GRIN2B: variants seen among roughly 807,000 people sequenced by gnomAD.
GRIN2B encodes glutamate receptor ionotropic, NMDA 2B.
Under a neutral mutation model 114.5 loss-of-function variants are expected in GRIN2B, and 5 were observed. That is an observed-to-expected ratio of 0.04 (90% CI 0.02 to 0.09). The LOEUF is 0.09. Ranked by LOEUF, GRIN2B falls within the 10% of genes least tolerant of loss-of-function variation. The probability of loss-of-function intolerance (pLI) is 1.00; values close to 1 mark genes in which losing one functional copy is unlikely to be tolerated. For synonymous variants in GRIN2B, 787 were observed against 745.1 expected, an observed-to-expected ratio of 1.06 and a Z score of -0.92; for missense variants, 1,108 against 1,943.5, an observed-to-expected ratio of 0.57 and a Z score of 8.08.
In GRIN2B at chr12:13,814,292, G is replaced by A. The variant is rs559143504; in HGVS notation, c.411+51506C>T. ...CTCAGCTAGAGGGACCACGAAGAGA[G>A]CGAAGAGCCAAGCCAGATCTCACAT... is the stretch of plus-strand genomic sequence containing the variant. On this transcript the variant is annotated intron_variant, in intron 3 of 13. Coordinates refer to ENST00000609686, the MANE Select transcript of GRIN2B (RefSeq NM_000834.5). 2.6e-5 allele frequency among the ~76,000 whole-genome samples: 4 copies of A among 152,350 alleles called. No individual in the cohort carries two copies. The East Asian group carries it at 5.8e-4, about 22-fold the overall frequency.
At chr12:13,966,257 A>G (rs112377416) in intron 2 of GRIN2B, among the ~76,000 whole-genome samples, 2 of 152,244 alleles carry the variant, frequency 1.3e-5, no homozygotes, top group Non-Finnish European at 2.9e-5. Flanking sequence ...TGAGAAAGCT[A>G]TTGACACACT....
intron 4 of GRIN2B, among the ~76,000 whole-genome samples, chr12:13,695,869 T>C (rs1236829539): frequency 6.6e-6 from 1 of 152,134 alleles, no homozygotes; most frequent in Non-Finnish European, 1.5e-5. Context: ...GCGGAAATGA[T>C]GATTGCATGC....
intron 5 of GRIN2B, among the ~76,000 whole-genome samples, chr12:13,658,068 G>T (rs1310479896): frequency 6.6e-6 from 1 of 152,066 alleles, no homozygotes; most frequent in Non-Finnish European, 1.5e-5. Flanking sequence ...AGCTGGGCGT[G>T]GTGGTACCTG....
intron 4 of GRIN2B, among the ~76,000 whole-genome samples, chr12:13,699,323 T>G (rs182245506): frequency 6.6e-6 from 1 of 152,194 alleles, no homozygotes; most frequent in South Asian, 2.1e-4. Context: ...AATAGATAAC[T>G]AATAAATGGT....
intron 3 of GRIN2B, among the ~76,000 whole-genome samples, chr12:13,817,389 C>T (rs751245894): frequency 1.7e-4 from 26 of 152,124 alleles, no homozygotes; most frequent in Non-Finnish European, 2.4e-4. Flanking sequence ...CTCGGGAACT[C>T]GACAGGGCAT....
chr12:13,852,014 A>G (rs1343379252), intron 3 of GRIN2B, among the ~76,000 whole-genome samples: 1 of 152,192 alleles, frequency 6.6e-6, no homozygotes, highest in African/African-American at 2.4e-5. Context: ...TTGCCCTAGC[A>G]ACGTGATGCT....
At position 13,916,994 on chromosome 12, in the gene GRIN2B, G is replaced by C. The variant is rs140245089; in HGVS notation, c.-18-50768C>G. ...ATATGCCAGGCAAAGATGGGGAAGA[G>C]AAAGCTACATTTCAGGAAAGGAACA... On this transcript the variant is annotated intron_variant, in intron 2 of 13. Transcript: ENST00000609686. Among the ~76,000 whole-genome samples the C allele has an allele frequency of 5.3e-5, 8 of 152,098 alleles. No individual in the cohort carries two copies. In the East Asian group the frequency reaches 1.6e-3, roughly 30 times the overall value.
At chr12:13,857,248 G>A (rs1430752823) in intron 3 of GRIN2B, among the ~76,000 whole-genome samples, 2 of 152,080 alleles carry the variant, frequency 1.3e-5, no homozygotes, top group African/African-American at 4.8e-5. Flanking sequence ...CATATTTATG[G>A]GCCACAGTGA....
chr12:13,597,242 G>A (rs1025079167), intron 10 of GRIN2B, among the ~76,000 whole-genome samples: 4 of 152,266 alleles, frequency 2.6e-5, no homozygotes, highest in Admixed American at 1.3e-4. Context: ...AAAACATCAA[G>A]GTCTGGAGGC....
chr12:13,851,689 TC>T (rs1865568706), intron 3 of GRIN2B, among the ~76,000 whole-genome samples: 1 of 152,214 alleles, frequency 6.6e-6, no homozygotes, highest in Admixed American at 6.5e-5. Context: ...AGCTCCTTTC[TC>T]TCTTTCTTGC....
chr12:13,579,129 G>T (rs1225057227), intron 10 of GRIN2B, among the ~76,000 whole-genome samples: 1 of 152,166 alleles, frequency 6.6e-6, no homozygotes. Context: ...AGAGACGAGT[G>T]TCTGTTCAAA....
chr12:13,919,814 G>C (rs566808047), intron 2 of GRIN2B, among the ~76,000 whole-genome samples: 1 of 152,260 alleles, frequency 6.6e-6, no homozygotes, highest in African/African-American at 2.4e-5. Flanking sequence ...GAATGTGGGA[G>C]CTCAGGAACT....
intron 3 of GRIN2B, among the ~76,000 whole-genome samples, chr12:13,852,227 G>A (rs1266998802): frequency 6.6e-6 from 1 of 152,150 alleles, no homozygotes; most frequent in Non-Finnish European, 1.5e-5. Flanking sequence ...CACCCCAGAT[G>A]CAGCATTCCC....
chr12:13,843,951 C>A (rs1412178004), intron 3 of GRIN2B, among the ~76,000 whole-genome samples: 3 of 152,166 alleles, frequency 2.0e-5, no homozygotes, highest in African/African-American at 7.2e-5. Flanking sequence ...TATATTTTAG[C>A]CTACATTCAA....
chr12:13,803,325 G>A (rs1470350725), intron 3 of GRIN2B, among the ~76,000 whole-genome samples: 1 of 151,934 alleles, frequency 6.6e-6, no homozygotes, highest in East Asian at 1.9e-4. Flanking sequence ...ATTGTTCAAG[G>A]GTCAACTGTA....
At chr12:13,940,879 C>A (rs1034573922) in intron 2 of GRIN2B, among the ~76,000 whole-genome samples, 1 of 152,020 alleles carries the variant, frequency 6.6e-6, no homozygotes, top group African/African-American at 2.4e-5. Context: ...CCCATGCTCT[C>A]CACACACCTT....
At position 13,616,502 on chromosome 12, in the gene GRIN2B, T is replaced by C. The variant is rs1261889468; in HGVS notation, c.1281A>G (p.Gly427=). 6.2e-7 allele frequency: 1 copy of C among 1,614,128 alleles called. No individual in the cohort carries two copies. The highest frequency in any genetic ancestry group is 8.5e-7 in the Non-Finnish European group (1 of 1,179,988). The change falls in exon 6 of 14, where the codon GGA becomes GGG. Residue 427 remains glycine (G), a synonymous_variant. Transcript: ENST00000609686. ...VIVESVDPLS[G]TCMRNTVPCQ... is the part of the protein sequence containing the mutation. ...AGGGGACTGTGTTCCTCATGCAGGT[T>C]CCACTCAGAGGGTCCACACTTTCCA...
chr12:13,788,226 G>T (rs1201678181), intron 3 of GRIN2B, among the ~76,000 whole-genome samples: 1 of 152,148 alleles, frequency 6.6e-6, no homozygotes, highest in Admixed American at 6.6e-5. Flanking sequence ...TTTCCACTTT[G>T]TTCCAAAGAA....
At chr12:13,926,531 G>C (rs1866914208) in intron 2 of GRIN2B, among the ~76,000 whole-genome samples, 1 of 152,170 alleles carries the variant, frequency 6.6e-6, no homozygotes, top group African/African-American at 2.4e-5. Flanking sequence ...GCATCATCCT[G>C]CCCCATGGAT....
Sources: allele counts gnomAD v4.1 joint callset (sites outside exome capture counted in the v4.1 genomes callset), GRCh38; gene constraint gnomAD v4.1.1; transcripts MANE v1.5; gene names NCBI Gene and HGNC (gene_info 2026-07-23, HGNC 2026-07-21).